The following CPNE6 variants were observed in gnomAD, a reference collection of about 807,000 sequenced individuals.
CPNE6 encodes copine 6.
CPNE6 carries 33 observed loss-of-function variants against 71.5 expected under a neutral mutation model. That is an observed-to-expected ratio of 0.46 (90% CI 0.35 to 0.62). The LOEUF (loss-of-function observed/expected upper bound fraction) is 0.62, where lower values mean the gene tolerates loss of function less well. CPNE6 is among the 20% of genes least tolerant of loss of function. The pLI is 0.00. For synonymous variants in CPNE6, 296 were observed against 293.0 expected, an observed-to-expected ratio of 1.01 and a Z score of -0.10; for missense variants, 576 against 747.3, an observed-to-expected ratio of 0.77 and a Z score of 2.67.
At chr14:24,071,346 G>C (rs1777665941) in intron 1 of CPNE6, 2 of 1,438,992 alleles carry the variant, frequency 1.4e-6, no homozygotes, top group Non-Finnish European at 9.1e-7. Context: ...AGTGTGAAGG[G>C]GAAGATGTGT....
chr14:24,071,501 G>GGGGCGCC, intron 1 of CPNE6, 61 bp from the exon 1 acceptor site: 3 of 1,416,700 alleles, frequency 2.1e-6, no homozygotes, highest in Non-Finnish European at 2.8e-6. Flanking sequence ...CTGGTGCTGC[G>GGGGCGCC]CCCCCCCCCA....
In CPNE6 at chr14:24,075,946, G is replaced by A. The variant is rs185115592; in HGVS notation, c.924+60G>A. ...GGAGGGGCTGAGTCCATAGTGAAAG[G>A]AAGGAGCCCAGAATCTCCACTGCCC... On this transcript the variant is annotated intron_variant, in intron 11 of 17. Coordinates refer to ENST00000397016, the Ensembl canonical transcript of CPNE6. This position sits in a 1 kb window ranked among gnomAD's most constrained non-coding sequence, Gnocchi z 4.3. The A allele has an allele frequency of 4.1e-5, 65 of 1,596,718 alleles. No individual in the cohort carries two copies. In the African/African-American group the frequency reaches 7.1e-4, roughly 17 times the overall value.
intron 2 of CPNE6, 36 bp from the exon 2 acceptor site, chr14:24,072,897 T>C: frequency 6.8e-7 from 1 of 1,470,030 alleles, no homozygotes; most frequent in Non-Finnish European, 9.0e-7. Flanking sequence ...AGGTGTTCCC[T>C]TTCCAGAGTC....
At position 24,077,489 on chromosome 14, in the gene CPNE6, G is replaced by T. The variant is rs758726245; in HGVS notation, c.1536+99G>T. 19 of 1,565,382 alleles carry T rather than the reference G, an allele frequency of 1.2e-5. No homozygotes were observed. The African/African-American group carries it at 2.6e-4, about 21-fold the overall frequency. On this transcript the variant is annotated intron_variant, in intron 16 of 17. Coordinates refer to ENST00000397016, the Ensembl canonical transcript of CPNE6. This position sits in a 1 kb window ranked among gnomAD's most constrained non-coding sequence, Gnocchi z 6.1. The stretch of plus-strand genomic sequence containing the variant: ...CACCATTTGATGTCCTGCTAAGGAC[G>T]CGGGAGCCCAGCTGGCCACCCTGAA...
At position 24,074,267 on chromosome 14, in the gene CPNE6, C is replaced by G. The variant is rs762043601; in HGVS notation, c.424-24C>G. 6.3e-7 allele frequency: 1 copy of G among 1,596,716 alleles called. No individual in the cohort carries two copies. Among genetic ancestry groups the G allele is most frequent in the South Asian group, 1.1e-5 (1 of 89,634 alleles). On this transcript the variant is annotated intron_variant, in intron 5 of 17. Transcript: ENST00000397016. This position sits in a 1 kb window ranked among gnomAD's most constrained non-coding sequence, Gnocchi z 4.5. ...CCCTTGTGGTAAGGTTAGGGGAGTC[C>G]TGCCACTTGTATCCCCCTTGCAGAT... is the stretch of plus-strand genomic sequence containing the variant.
At chr14:24,076,730 C>A in intron 14 of CPNE6, 149 bp from the exon 14 acceptor site, 1 of 1,449,422 alleles carries the variant, frequency 6.9e-7, no homozygotes, top group Non-Finnish European at 9.6e-7. Context: ...ACTCTCCCTG[C>A]CAAGGGACCA....
At chr14:24,078,006 C>T in exon 18 of CPNE6, 1 of 348,346 alleles carries the variant, frequency 2.9e-6, no homozygotes, top group Non-Finnish European at 5.2e-6. Context: ...AAACCCCATA[C>T]CCTTCAATGC....
In CPNE6 at chr14:24,074,244, C is replaced by A; in HGVS notation, c.424-47C>A. 1 of 1,604,908 alleles carries A rather than the reference C, an allele frequency of 6.2e-7. No individual in the cohort carries two copies. Among genetic ancestry groups the A allele is most frequent in the South Asian group, 1.1e-5 (1 of 90,766 alleles). On this transcript the variant is annotated intron_variant, in intron 5 of 17. Coordinates refer to ENST00000397016, the Ensembl canonical transcript of CPNE6. The surrounding 1 kb of genome is among the most constrained non-coding windows in gnomAD (Gnocchi z 4.5). Reference sequence around the variant, plus strand: ...CTAAGGGAAAGGGGATGGGGTGGCCCTTGTGGTAAGGTTAGGGGAGTCCTG... The same window carrying A: ...CTAAGGGAAAGGGGATGGGGTGGCCATTGTGGTAAGGTTAGGGGAGTCCTG...
rs778192102 is a variant in CPNE6, at chr14:24,076,538, G to A, written c.1146G>A (p.Pro382=). 2.9e-5 allele frequency: 46 copies of A among 1,614,012 alleles called. No individual in the cohort carries two copies. In the East Asian group the frequency reaches 3.3e-4, roughly 12 times the overall value. The change falls in exon 14 of 18, where the codon CCG becomes CCA. Residue 382 remains proline (P), a synonymous_variant. Transcript: ENST00000397016. ...ATGACTTTGCTATCAACTTTGACCC[G>A]GAAAATCCTGAATGTGAAGGTAAAA...
chr14:24,072,483 T>A (rs1374007700), intron 2 of CPNE6: 2 of 155,658 alleles, frequency 1.3e-5, no homozygotes, highest in Middle Eastern at 3.0e-3. Flanking sequence ...CTGAGACCCA[T>A]CCTCTTCAGA....
At chr14:24,072,358 C>T (rs1661992208) in intron 2 of CPNE6, 2 of 152,638 alleles carry the variant, frequency 1.3e-5, no homozygotes, top group South Asian at 2.1e-4. Flanking sequence ...CCTCCCAGCC[C>T]ACCACCACTC....
intron 11 of CPNE6, 28 bp from the exon 11 acceptor site, chr14:24,076,121 G>C (rs1410734286): frequency 1.2e-6 from 2 of 1,608,036 alleles, no homozygotes; most frequent in South Asian, 2.2e-5. Context: ...CATGGTTGCA[G>C]CATGACCTTC....
chr14:24,075,404 G>A lies in CPNE6; in HGVS notation c.778-101G>A, dbSNP rs1402171754. 2.1e-6 allele frequency: 3 copies of A among 1,410,032 alleles called. No individual in the cohort carries two copies. The Admixed American group carries it at 5.4e-5, about 25-fold the overall frequency. 87.3% of individuals were successfully genotyped at this position (1,410,032 alleles called of 1,614,324 possible). On this transcript the variant is annotated intron_variant, in intron 9 of 17. Coordinates refer to ENST00000397016, the Ensembl canonical transcript of CPNE6. The surrounding 1 kb of genome is among the most constrained non-coding windows in gnomAD (Gnocchi z 4.3). ...GGAAAGCACCTGGGCTCAGCTGAAG[G>A]ACGGAACCATGGGGGTCTTGCTCTG... is the stretch of plus-strand genomic sequence containing the variant.
Position 24,074,881 on chromosome 14 carries a change from C to T in CPNE6, c.672+86C>T. 2 of 1,076,622 alleles carry T rather than the reference C, an allele frequency of 1.9e-6. No individual in the cohort carries two copies. Among genetic ancestry groups the T allele is most frequent in the South Asian group, 1.4e-5 (1 of 73,934 alleles). 66.7% of individuals were successfully genotyped at this position (1,076,622 alleles called of 1,614,324 possible). On this transcript the variant is annotated intron_variant, in intron 8 of 17. Coordinates refer to ENST00000397016, the Ensembl canonical transcript of CPNE6. The surrounding 1 kb of genome is among the most constrained non-coding windows in gnomAD (Gnocchi z 4.5). ...TTTCCCCTGCATGTGGCAAGCCTCC[C>T]TCCTCTCCCCCAAGTGATAATCACA...
At position 24,073,634 on chromosome 14, in the gene CPNE6, C is replaced by G. The variant is rs756200355; in HGVS notation, c.304C>G (p.Arg102Gly). 3 of 1,613,972 alleles carry G rather than the reference C, an allele frequency of 1.9e-6. No homozygotes were observed. Among genetic ancestry groups the G allele is most frequent in the East Asian group, 2.2e-5 (1 of 44,884 alleles). Reference sequence around the variant, plus strand: ...TGCCGAGGACGGAGCCACCAGCCCCCGAAATGATACCTTCCTCGGCTCTAC... The same window carrying G: ...TGCCGAGGACGGAGCCACCAGCCCCGGAAATGATACCTTCCTCGGCTCTAC... Residue 102 changes from arginine to glycine, a missense_variant, in exon 4 of 18, where the codon CGA becomes GGA. Arg to Gly is a moderately radical substitution (Grantham distance 125, BLOSUM62 -2). Coordinates refer to ENST00000397016, the Ensembl canonical transcript of CPNE6. This position sits in a 1 kb window ranked among gnomAD's most constrained non-coding sequence, Gnocchi z 5.5.
In CPNE6 at chr14:24,075,498, G is replaced by T; in HGVS notation, c.778-7G>T. 1 of 1,609,272 alleles carries T rather than the reference G, an allele frequency of 6.2e-7. No individual in the cohort carries two copies. Among genetic ancestry groups the T allele is most frequent in the East Asian group, 2.2e-5 (1 of 44,768 alleles). ...TTGTGACCCTGAGCTTGTGGGGTGG[G>T]GTCTAGATGCAGTGGGACTGTATCA... is the stretch of plus-strand genomic sequence containing the variant. On this transcript the variant is annotated splice_region_variant and splice_polypyrimidine_tract_variant and intron_variant, in intron 9 of 17. Coordinates refer to ENST00000397016, the Ensembl canonical transcript of CPNE6. This position sits in a 1 kb window ranked among gnomAD's most constrained non-coding sequence, Gnocchi z 4.3.
At chr14:24,071,616 AGAGGAGCCCCCGACC>A (rs2035903605) in exon 2 of CPNE6, 2 of 1,215,056 alleles carry the variant, frequency 1.6e-6, no homozygotes, top group East Asian at 5.1e-5. Context: ...AGAGCCGGAG[AGAGGAGCCCCCGACC>A]GAGAGCCCAG....
Position 24,074,158 on chromosome 14 carries a change from C to T in CPNE6, c.423+33C>T, listed in dbSNP as rs780780662. 6.8e-6 allele frequency: 11 copies of T among 1,608,678 alleles called. No individual in the cohort carries two copies. In the East Asian group the frequency reaches 2.2e-4, roughly 33 times the overall value. On this transcript the variant is annotated intron_variant, in intron 5 of 17. Coordinates refer to ENST00000397016, the Ensembl canonical transcript of CPNE6. The surrounding 1 kb of genome is among the most constrained non-coding windows in gnomAD (Gnocchi z 4.5). Reference sequence around the variant, plus strand: ...AGATCACCTGTACTCACCCTTGGTCCAGGTATTCAATGCCCCTGCATGGAC... The same window carrying T: ...AGATCACCTGTACTCACCCTTGGTCTAGGTATTCAATGCCCCTGCATGGAC...
chr14:24,073,036 C>T lies in CPNE6; in HGVS notation c.100C>T (p.Arg34Trp), dbSNP rs375390921. Residue 34 changes from arginine (R) to tryptophan (W), a missense_variant, in exon 3 of 18, where the codon CGG becomes TGG. Arg to Trp is a moderately radical substitution (Grantham distance 101). Coordinates refer to ENST00000397016, the Ensembl canonical transcript of CPNE6. The surrounding 1 kb of genome is among the most constrained non-coding windows in gnomAD (Gnocchi z 5.5). ...GGTGTCCTGCCATGGCCTCCTGGAC[C>T]GGGACACACTCACCAAACCCCACCC... 8 of 1,570,956 alleles carry T rather than the reference C, an allele frequency of 5.1e-6. No homozygotes were observed. Among genetic ancestry groups the T allele is most frequent in the African/African-American group, 4.2e-5 (3 of 72,176 alleles).
Sources: gnomAD v4.1 joint callset for allele counts on GRCh38, gnomAD v4.1.1 for gene constraint, Gnocchi (gnomAD v3.1) non-coding constraint, MANE v1.5 for transcripts, NCBI Gene and HGNC (gene_info 2026-07-23, HGNC 2026-07-21) for gene names.